The following SPIDR variants were observed in gnomAD, a reference collection of about 807,000 sequenced individuals.
SPIDR encodes scaffold protein involved in DNA repair.
SPIDR carries 93 observed loss-of-function variants against 104.6 expected under a neutral mutation model. That is an observed-to-expected ratio of 0.89 (90% CI 0.75 to 1.06). SPIDR has a LOEUF of 1.06. SPIDR is among the 50% of genes least tolerant of loss of function. The pLI is 0.00. For synonymous variants in SPIDR, 431 were observed against 416.9 expected (o/e 1.03, Z -0.41); for missense variants, 1,154 against 1,111.2 (o/e 1.04, Z -0.55).
intron 12 of SPIDR, 90 bp downstream of exon 12, chr8:47,700,580 TG>T: frequency 7.7e-7 from 1 of 1,292,322 alleles, no homozygotes. Context: ...TCACATGGTC[TG>T]TGTCCCCTGC....
Position 47,735,440 on chromosome 8 carries a change from C to G in SPIDR, c.2738C>G (p.Ala913Gly). ...CTTCTGAGTGCAGGAGGGGCCTCTG[C>G]AGAACACTAGCGGTTGCCGCAGGAT... The part of the protein sequence containing the change: ...IELLSAGGAS[A>G]EH The change falls in exon 20 of 20, where the codon GCA (alanine) becomes GGA (glycine). Residue 913 changes from alanine (A) to glycine (G), a missense_variant. Coordinates refer to ENST00000297423, the MANE Select transcript of SPIDR (RefSeq NM_001080394.4). The G allele has an allele frequency of 6.2e-7, 1 of 1,614,138 alleles. No homozygotes were observed. Among genetic ancestry groups the G allele is most frequent in the Non-Finnish European group, 8.5e-7 (1 of 1,180,026 alleles).
chr8:47,636,122 A>G (rs1401456874), intron 10 of SPIDR, among the ~76,000 whole-genome samples: 1 of 152,196 alleles, frequency 6.6e-6, no homozygotes, highest in African/African-American at 2.4e-5. Flanking sequence ...TCATGTCTCT[A>G]TCACATTTTG....
rs185879548 is a variant in SPIDR at position 47,592,467 on chromosome 8, G to T, written c.1098-3344G>T. 673 of 1,431,026 alleles carry T rather than the reference G, an allele frequency of 4.7e-4. 2 individuals are homozygous for T. The African/African-American group carries it at 8.1e-3, about 17-fold the overall frequency. 88.6% of individuals were successfully genotyped at this position (1,431,026 alleles called of 1,614,324 possible). ...CAAGTTTAAAAGTCCCTCCCTCAAA[G>T]GGGGAAGGAATCCTGAGAGCCAGCA... On this transcript the variant is annotated intron_variant, in intron 8 of 19. Coordinates refer to ENST00000297423, the MANE Select transcript of SPIDR (RefSeq NM_001080394.4).
chr8:47,451,916 G>T (rs879978057), intron 8 of SPIDR, among the ~76,000 whole-genome samples: 1 of 152,134 alleles, frequency 6.6e-6, no homozygotes, highest in Non-Finnish European at 1.5e-5. Flanking sequence ...CACATAATCA[G>T]CCCTGGTCCC....
At chr8:47,478,181 G>A (rs1208696777) in intron 8 of SPIDR, among the ~76,000 whole-genome samples, 2 of 152,184 alleles carry the variant, frequency 1.3e-5, no homozygotes, top group Admixed American at 1.3e-4. Flanking sequence ...CAGAAATAAT[G>A]TGAAGAATGA....
At chr8:47,267,974 A>G (rs1467478451) in intron 1 of SPIDR, among the ~76,000 whole-genome samples, 1 of 152,144 alleles carries the variant, frequency 6.6e-6, no homozygotes, top group Admixed American at 6.5e-5. Context: ...TAGCTCTTAC[A>G]TTTAGGTCTG....
At chr8:47,522,500 G>A (rs1193911962) in intron 8 of SPIDR, among the ~76,000 whole-genome samples, 1 of 152,144 alleles carries the variant, frequency 6.6e-6, no homozygotes, top group East Asian at 1.9e-4. Context: ...AAGGGCCTGT[G>A]AGCTCAGAGG....
rs117847623 is a variant in SPIDR at position 47,492,000 on chromosome 8, G to A, written c.1097+51458G>A. Among the ~76,000 whole-genome samples, 1,110 of 152,272 alleles carry A rather than the reference G, an allele frequency of 7.3e-3. 7 individuals carry two copies. The highest frequency in any genetic ancestry group is 0.011 in the Non-Finnish European group (740 of 68,022). ...GGCAGTACAGGAGGAACGAGGTGAC[G>A]CTGTCTTATGGTTAACCATGTGACA... On this transcript the variant is annotated intron_variant, in intron 8 of 19. Transcript: ENST00000297423.
At chr8:47,463,843 A>T (rs1554715299) in intron 8 of SPIDR, among the ~76,000 whole-genome samples, 3 of 152,188 alleles carry the variant, frequency 2.0e-5, no homozygotes, top group Non-Finnish European at 4.4e-5. Flanking sequence ...ACAAACTGGG[A>T]ACATAAGATT....
chr8:47,624,677 A>T (rs1481651792), intron 10 of SPIDR, among the ~76,000 whole-genome samples: 1 of 152,220 alleles, frequency 6.6e-6, no homozygotes. Flanking sequence ...TCCTCCCAAG[A>T]CTAAACCAGG....
intron 14 of SPIDR, 82 bp downstream of exon 14, chr8:47,702,097 T>TCTG (rs1491441369): frequency 5.0e-5 from 3 of 59,892 alleles, no homozygotes; most frequent in African/African-American, 2.3e-4. Context: ...TCTCTCTCTC[T>TCTG]TACACACACA....
At chr8:47,628,575 A>T (rs2066562524) in intron 10 of SPIDR, among the ~76,000 whole-genome samples, 1 of 152,186 alleles carries the variant, frequency 6.6e-6, no homozygotes, top group South Asian at 2.1e-4. Flanking sequence ...AAAATGCATA[A>T]AATTACCTTC....
intron 4 of SPIDR, among the ~76,000 whole-genome samples, chr8:47,293,537 C>T (rs1446484461): frequency 1.3e-5 from 2 of 152,226 alleles, no homozygotes; most frequent in East Asian, 3.9e-4. Context: ...ACCTCCACCT[C>T]TCGGGTTCAA....
chr8:47,640,355 G>A (rs2068672015), intron 10 of SPIDR, among the ~76,000 whole-genome samples: 1 of 152,134 alleles, frequency 6.6e-6, no homozygotes, highest in African/African-American at 2.4e-5. Context: ...AAGGCGATTG[G>A]ACTCCTTCGT....
chr8:47,726,070 C>G (rs2084191135), intron 16 of SPIDR, among the ~76,000 whole-genome samples: 1 of 152,370 alleles, frequency 6.6e-6, no homozygotes, highest in South Asian at 2.1e-4. Flanking sequence ...CTTGCACCTC[C>G]TCATGTGCCT....
chr8:47,568,501 A>G (rs1029625387), intron 8 of SPIDR, among the ~76,000 whole-genome samples: 4 of 152,210 alleles, frequency 2.6e-5, no homozygotes, highest in African/African-American at 9.7e-5. Flanking sequence ...ATAGAAGAAC[A>G]CTTGTAGCAT....
chr8:47,454,526 C>A (rs903583384), intron 8 of SPIDR, among the ~76,000 whole-genome samples: 1 of 151,952 alleles, frequency 6.6e-6, no homozygotes, highest in Non-Finnish European at 1.5e-5. Context: ...AGGAGATATA[C>A]CTAATGTAAA....
intron 8 of SPIDR, among the ~76,000 whole-genome samples, chr8:47,541,758 G>C (rs2088190385): frequency 6.6e-6 from 1 of 152,046 alleles, no homozygotes; most frequent in African/African-American, 2.4e-5. Flanking sequence ...AATTAGCTGA[G>C]TTTGGTGGTG....
intron 10 of SPIDR, among the ~76,000 whole-genome samples, chr8:47,640,352 T>C (rs2068671478): frequency 1.3e-5 from 2 of 152,172 alleles, no homozygotes; most frequent in South Asian, 4.1e-4. Context: ...TAGAAGGCGA[T>C]TGGACTCCTT....
Sources: allele counts gnomAD v4.1 joint callset (sites outside exome capture counted in the v4.1 genomes callset), GRCh38; gene constraint gnomAD v4.1.1; transcripts MANE v1.5; gene names NCBI Gene and HGNC (gene_info 2026-07-23, HGNC 2026-07-21).